Variants in CABLES1 observed in about 807,000 individuals in gnomAD.
CABLES1 encodes Cdk5 and Abl enzyme substrate 1.
In CABLES1, 36 loss-of-function variants were observed where a neutral mutation model predicts 57.8. The ratio of observed to expected loss-of-function variants is 0.62; its 90% CI spans 0.48 to 0.82. The LOEUF (loss-of-function observed/expected upper bound fraction) is 0.82, where lower values mean the gene tolerates loss of function less well. Ranked by LOEUF, CABLES1 falls within the 40% of genes least tolerant of loss-of-function variation. CABLES1 has a pLI of 0.00. For synonymous variants in CABLES1, 374 were observed against 363.0 expected (o/e 1.03, Z -0.35); for missense variants, 767 against 836.6 (o/e 0.92, Z 1.03).
chr18:23,237,678 CT>C (rs2047636836), intron 7 of CABLES1, among the ~76,000 whole-genome samples: 2 of 152,380 alleles, frequency 1.3e-5, no homozygotes, highest in African/African-American at 4.8e-5. Flanking sequence ...ACAGAATTCT[CT>C]CCTGGGAAAG....
chr18:23,166,651 C>A (rs534163644), intron 1 of CABLES1, among the ~76,000 whole-genome samples: 1 of 152,290 alleles, frequency 6.6e-6, no homozygotes, highest in South Asian at 2.1e-4. Context: ...GTGTAGGACA[C>A]GCACACACAG....
rs763999448 is a variant in CABLES1 at position 23,213,954 on chromosome 18, T to G, written c.1011-23T>G. The G allele has an allele frequency of 9.4e-6, 14 of 1,491,318 alleles. 1 individual carries two copies. In the South Asian group the frequency reaches 1.7e-4, roughly 18 times the overall value. The allele number at this position is 1,491,318 out of a possible 1,614,324, so 92.4% of individuals were successfully genotyped here. A position where few individuals can be genotyped will look rare whatever the true frequency, so the allele number is the denominator to read the frequency against. On this transcript the variant is annotated intron_variant, in intron 3 of 9. Transcript: ENST00000256925. ...TCTTTGCATTTAGTGTGTTTGTTGT[T>G]TGTTCTTCTTTTTATTTTTTAGAAT...
At chr18:23,171,473 C>G (rs1321268362) in intron 1 of CABLES1, among the ~76,000 whole-genome samples, 1 of 152,222 alleles carries the variant, frequency 6.6e-6, no homozygotes, top group East Asian at 1.9e-4. Context: ...ATGGTCTGCA[C>G]CATTCTCATC....
intron 1 of CABLES1, chr18:23,155,682 G>C (rs907993243): frequency 3.3e-6 from 2 of 604,438 alleles, no homozygotes; most frequent in African/African-American, 1.9e-5. Context: ...TTCTGTCTGG[G>C]GCGGCAGGAC....
chr18:23,174,338 G>C (rs1479357459), intron 1 of CABLES1, among the ~76,000 whole-genome samples: 3 of 152,044 alleles, frequency 2.0e-5, no homozygotes, highest in Non-Finnish European at 4.4e-5. Flanking sequence ...CATCACATTT[G>C]GGTTTTCACA....
At chr18:23,169,728 G>A (rs890807933) in intron 1 of CABLES1, among the ~76,000 whole-genome samples, 6 of 152,188 alleles carry the variant, frequency 3.9e-5, no homozygotes, top group African/African-American at 1.2e-4. Flanking sequence ...CAGCAGAAAC[G>A]GTGAAAGAGC....
At chr18:23,193,255 G>C (rs575871575) in intron 2 of CABLES1, among the ~76,000 whole-genome samples, 75 of 150,228 alleles carry the variant, frequency 5.0e-4, no homozygotes, top group Non-Finnish European at 9.1e-4. Context: ...ACAGTGGCAC[G>C]ATCTTGGCTC....
chr18:23,243,914 A>G (rs1407333165), intron 7 of CABLES1, among the ~76,000 whole-genome samples: 1 of 151,552 alleles, frequency 6.6e-6, no homozygotes, highest in East Asian at 1.9e-4. Flanking sequence ...AGAGTTTGAC[A>G]TTTCACCCAA....
chr18:23,145,627 A>C (rs2046887257), intron 1 of CABLES1, among the ~76,000 whole-genome samples: 1 of 152,208 alleles, frequency 6.6e-6, no homozygotes, highest in Non-Finnish European at 1.5e-5. Context: ...TCTGGGGCTC[A>C]GACCACTTAG....
Position 23,257,482 on chromosome 18 carries a change from C to CT in CABLES1, c.*115_*116insT. 1 of 1,209,762 alleles carries CT rather than the reference C, an allele frequency of 8.3e-7. No individual in the cohort carries two copies. 74.9% of individuals were successfully genotyped at this position (1,209,762 alleles called of 1,614,324 possible). On this transcript the variant is annotated 3_prime_UTR_variant, in exon 10 of 10. Transcript: ENST00000256925. ...CAGAATACCAGACTTTTCTTCCTCT[C>CT]GACATAGTTTGGGGAGAAGCAGTAC...
At chr18:23,154,037 T>C (rs918939578) in intron 1 of CABLES1, among the ~76,000 whole-genome samples, 11 of 151,960 alleles carry the variant, frequency 7.2e-5, no homozygotes, top group African/African-American at 2.4e-4. Flanking sequence ...CAAAAAAAAA[T>C]TGTAGAAATG....
Position 23,256,988 on chromosome 18 carries a change from G to C in CABLES1, c.1762-239G>C, listed in dbSNP as rs1192432924. 2.0e-5 allele frequency among the ~76,000 whole-genome samples: 3 copies of C among 152,298 alleles called. No homozygotes were observed. In the East Asian group the frequency reaches 5.8e-4, roughly 29 times the overall value. Reference sequence around the variant, plus strand: ...TGTCATATTCCTGAGAGGATTAAATGATGTCATAAGATGTATGTGTGGTTC... The same window carrying C: ...TGTCATATTCCTGAGAGGATTAAATCATGTCATAAGATGTATGTGTGGTTC... On this transcript the variant is annotated intron_variant, in intron 9 of 9. Transcript: ENST00000256925.
chr18:23,169,187 G>C (rs955278819), intron 1 of CABLES1, among the ~76,000 whole-genome samples: 3 of 152,134 alleles, frequency 2.0e-5, no homozygotes, highest in Non-Finnish European at 4.4e-5. Flanking sequence ...GGTCTAAAAG[G>C]GGAGGCATGA....
chr18:23,237,847 A>C (rs1355003519), intron 7 of CABLES1, among the ~76,000 whole-genome samples: 2 of 152,212 alleles, frequency 1.3e-5, no homozygotes, highest in African/African-American at 4.8e-5. Context: ...TGCAGACACC[A>C]GAGGGGCCTG....
intron 4 of CABLES1, among the ~76,000 whole-genome samples, chr18:23,231,122 GC>G (rs1192300571): frequency 6.6e-6 from 1 of 152,098 alleles, no homozygotes; most frequent in Non-Finnish European, 1.5e-5. Flanking sequence ...CAGAAAATAG[GC>G]CACTCTTGGG....
chr18:23,217,053 G>A (rs72874991), intron 4 of CABLES1, among the ~76,000 whole-genome samples: 125 of 152,210 alleles, frequency 8.2e-4, no homozygotes, highest in Admixed American at 1.8e-3. Flanking sequence ...AAACCAAGGT[G>A]CACAAGAGGG....
rs1365747640 is a variant in CABLES1 at position 23,188,914 on chromosome 18, T to C, written c.917+5T>C. On this transcript the variant is annotated splice_donor_5th_base_variant and intron_variant, in intron 2 of 9. Transcript: ENST00000256925. ...GGAGAACGCCCCTCTCCGGAGGTAA[T>C]TTTCTGTTTCATTTATGTATATGTA... The C allele has an allele frequency of 6.2e-7, 1 of 1,606,272 alleles. No homozygotes were observed.
Position 23,245,080 on chromosome 18 carries a change from C to G in CABLES1, c.1446+7835C>G, listed in dbSNP as rs2047841149. Among the ~76,000 whole-genome samples the G allele has an allele frequency of 1.3e-5, 2 of 152,334 alleles. 1 individual carries two copies. Among genetic ancestry groups the G allele is most frequent in the Middle Eastern group, 6.8e-3 (2 of 294 alleles). On this transcript the variant is annotated intron_variant, in intron 7 of 9. Coordinates refer to ENST00000256925, the MANE Select transcript of CABLES1 (RefSeq NM_001100619.3). ...AGGTGTGTGTACCTCCCATCCCCTC[C>G]CGTTATACCCCAGCCCACCTGAGGG...
At chr18:23,158,524 C>T (rs142771532) in intron 1 of CABLES1, among the ~76,000 whole-genome samples, 1 of 152,274 alleles carries the variant, frequency 6.6e-6, no homozygotes, top group Admixed American at 6.5e-5. Context: ...GTCATTGCAT[C>T]GTACACAGCC....
Sources: gnomAD v4.1 joint callset for allele counts (sites outside exome capture counted in the v4.1 genomes callset) on GRCh38, gnomAD v4.1.1 for gene constraint, MANE v1.5 for transcripts, NCBI Gene and HGNC (gene_info 2026-07-23, HGNC 2026-07-21) for gene names.